Variants in TMEM63A observed in about 807,000 individuals in gnomAD.
TMEM63A encodes the protein mechanosensitive cation channel TMEM63A.
TMEM63A carries 76 observed loss-of-function variants against 100.6 expected under a neutral mutation model. The ratio of observed to expected loss-of-function variants is 0.76; its 90% CI spans 0.63 to 0.91. The LOEUF (loss-of-function observed/expected upper bound fraction) is 0.91. Among genes scored for constraint, TMEM63A ranks in the 40% least tolerant of loss-of-function variants. The pLI is 0.00. For synonymous variants in TMEM63A, 401 were observed against 401.1 expected (o/e 1.00, Z 0.00); for missense variants, 876 against 1,008.8 (o/e 0.87, Z 1.78).
rs1353620690 is a variant in TMEM63A at position 225,856,085 on chromosome 1, C to T, written c.1572-145G>A. ...AACGATGCCACTTACTACGGCATGA[C>T]CTGTCACAGTCTGCTTTAACAGAAA... On this transcript the variant is annotated intron_variant, in intron 17 of 24. Coordinates refer to ENST00000366835, the MANE Select transcript of TMEM63A (RefSeq NM_014698.3). 3.8e-6 allele frequency: 3 copies of T among 780,166 alleles called. No homozygotes were observed. In the African/African-American group the frequency reaches 5.3e-5, roughly 14 times the overall value. 48.3% of individuals were successfully genotyped at this position (780,166 alleles called of 1,614,324 possible). A position where few individuals can be genotyped will look rare whatever the true frequency, so the allele number is the denominator to read the frequency against.
At chr1:225,877,649 G>T in intron 2 of TMEM63A, 55 bp from the exon 3 acceptor site, 1 of 1,518,916 alleles carries the variant, frequency 6.6e-7, no homozygotes, top group South Asian at 1.3e-5. Context: ...ATTTCTTGCA[G>T]GTTCCCACCA....
At chr1:225,876,868 C>T (rs974940393) in intron 3 of TMEM63A, among the ~76,000 whole-genome samples, 1 of 152,070 alleles carries the variant, frequency 6.6e-6, no homozygotes, top group Non-Finnish European at 1.5e-5. Flanking sequence ...AGGCTGGTCT[C>T]GAACTCCTGA....
rs1491168481 is a variant in TMEM63A at position 225,867,616 on chromosome 1, A to AAAT, written c.514+271_514+272insATT. 6.6e-6 allele frequency among the ~76,000 whole-genome samples: 1 copy of AAAT among 152,140 alleles called. No homozygotes were observed. Among genetic ancestry groups the AAAT allele is most frequent in the Non-Finnish European group, 1.5e-5 (1 of 68,022 alleles). On this transcript the variant is annotated intron_variant, in intron 7 of 24. Coordinates refer to ENST00000366835, the MANE Select transcript of TMEM63A (RefSeq NM_014698.3). The surrounding 1 kb of genome is among the most constrained non-coding windows in gnomAD (Gnocchi z 4.6). ...AATTTGGGTGAGGGCAGGAAAGTAT[A>AAAT]AAAGACTCTCTGATAGCCCCTGATT...
At chr1:225,871,005 C>T in intron 6 of TMEM63A, 71 bp downstream of exon 6, 1 of 1,532,290 alleles carries the variant, frequency 6.5e-7, no homozygotes, top group Non-Finnish European at 9.0e-7. Context: ...TGGCTCTTGC[C>T]TCTTGACTGG....
At chr1:225,852,914 C>T in intron 19 of TMEM63A, 145 bp from the exon 20 acceptor site, 1 of 691,812 alleles carries the variant, frequency 1.4e-6, no homozygotes, top group Non-Finnish European at 2.6e-6. Flanking sequence ...AAGGTCCTTC[C>T]CATCCCTCCC....
At chr1:225,843,076 C>T (rs1668563108), downstream of TMEM63A, among the ~76,000 whole-genome samples, 2 of 152,304 alleles carry the variant, frequency 1.3e-5, no homozygotes, top group African/African-American at 4.8e-5. Flanking sequence ...TGAATCCTGC[C>T]TTGGGGGTAG....
chr1:225,847,293 A>G (rs563554603), intron 23 of TMEM63A, 80 bp from the exon 24 acceptor site: 6 of 1,527,110 alleles, frequency 3.9e-6, no homozygotes, highest in Non-Finnish European at 5.3e-6. Context: ...CCCTTCTCCC[A>G]ACAGGACACA....
At position 225,877,394 on chromosome 1, in the gene TMEM63A, C is replaced by T; in HGVS notation, c.186+1G>A. ...GGGACACGACTCATGAGGGCTCTCA[C>T]CAGGAAGCAGCTGACGTCTATGAGC... On this transcript the variant is annotated splice_donor_variant, in intron 3 of 24. Transcript: ENST00000366835. LOFTEE classifies it high-confidence loss of function. The T allele has an allele frequency of 1.2e-6, 2 of 1,610,636 alleles. No homozygotes were observed. Among genetic ancestry groups the T allele is most frequent in the Non-Finnish European group, 1.7e-6 (2 of 1,177,332 alleles).
chr1:225,878,850 T>C (rs1326433482), intron 2 of TMEM63A, among the ~76,000 whole-genome samples: 1 of 144,394 alleles, frequency 6.9e-6, no homozygotes, highest in Admixed American at 7.1e-5. Flanking sequence ...CTGGGGACAA[T>C]CACACATGGA....
chr1:225,844,445 TCA>T, downstream of TMEM63A: 1 of 1,613,404 alleles, frequency 6.2e-7, no homozygotes, highest in East Asian at 2.2e-5. Flanking sequence ...CTGCCCTTTG[TCA>T]CACAACTGCA....
At chr1:225,872,734 C>T (rs566269634) in intron 4 of TMEM63A, among the ~76,000 whole-genome samples, 1 of 144,048 alleles carries the variant, frequency 6.9e-6, no homozygotes, top group South Asian at 2.2e-4. Context: ...GGCTCTGTCA[C>T]CCAAGCTGGA....
chr1:225,849,464 C>T lies in TMEM63A; in HGVS notation c.2071+448G>A, dbSNP rs564465089. ...TGCCAGGAGGTACAAGGAGCTGGGC[C>T]CAACCACCAGCCTCAAAGGGCAAAT... On this transcript the variant is annotated intron_variant, in intron 21 of 24. Transcript: ENST00000366835. Among the ~76,000 whole-genome samples, 7 of 152,328 alleles carry T rather than the reference C, an allele frequency of 4.6e-5. No individual in the cohort carries two copies. In the East Asian group the frequency reaches 1.3e-3, roughly 29 times the overall value.
Position 225,848,541 on chromosome 1 carries a change from GC to G in TMEM63A, c.2200del (p.Ala734GlnfsTer24). ...SPLNYKTEEPASDKGSEAEAH... is the reference protein window; with the variant it reads ...SPLNYKTEEPXSDKGSEAEAH... ...CTCTGCCTCACTTCCTTTGTCACTT[GC>G]AGGCTCTTCTGTCTGCAGATAACAG... On this transcript the variant is annotated frameshift_variant, in exon 23 of 25. Coordinates refer to ENST00000366835, the MANE Select transcript of TMEM63A (RefSeq NM_014698.3). LOFTEE classifies it high-confidence loss of function. 6.2e-7 allele frequency: 1 copy of G among 1,614,102 alleles called. No homozygotes were observed. Among genetic ancestry groups the G allele is most frequent in the Non-Finnish European group, 8.5e-7 (1 of 1,180,032 alleles).
At chr1:225,874,902 T>C (rs1670701386) in intron 3 of TMEM63A, among the ~76,000 whole-genome samples, 1 of 152,168 alleles carries the variant, frequency 6.6e-6, no homozygotes, top group Non-Finnish European at 1.5e-5. Flanking sequence ...ACCCAGCTAA[T>C]TTTTGTATTT....
intron 2 of TMEM63A, among the ~76,000 whole-genome samples, chr1:225,878,777 G>A (rs1188600882): frequency 6.6e-6 from 1 of 152,068 alleles, no homozygotes; most frequent in Non-Finnish European, 1.5e-5. Flanking sequence ...AACCCAAACA[G>A]ATGTTTGGAT....
chr1:225,857,208 C>T (rs1669666123), intron 15 of TMEM63A, among the ~76,000 whole-genome samples, 191 bp from the exon 16 acceptor site: 1 of 152,204 alleles, frequency 6.6e-6, no homozygotes, highest in East Asian at 1.9e-4. Context: ...TCAGTAACAG[C>T]ACCTTATATT....
downstream of TMEM63A, chr1:225,845,377 CCCCCA>C: frequency 6.5e-7 from 1 of 1,546,102 alleles, no homozygotes; most frequent in Middle Eastern, 2.3e-4. Context: ...CTGCCACCTC[CCCCCA>C]CAAGTGCCCT....
At chr1:225,863,562 C>A (rs1001930533) in intron 10 of TMEM63A, among the ~76,000 whole-genome samples, 1 of 152,036 alleles carries the variant, frequency 6.6e-6, no homozygotes, top group Non-Finnish European at 1.5e-5. Flanking sequence ...GGTCACAGAC[C>A]TTTCAGAGGG....
intron 15 of TMEM63A, among the ~76,000 whole-genome samples, chr1:225,857,658 C>A (rs911204599): frequency 1.3e-5 from 2 of 151,402 alleles, no homozygotes; most frequent in Non-Finnish European, 2.9e-5. Flanking sequence ...GATAAAAGAT[C>A]AAGGGATATG....
Sources: gnomAD v4.1 joint callset for allele counts (sites outside exome capture counted in the v4.1 genomes callset) on GRCh38, gnomAD v4.1.1 for gene constraint, Gnocchi (gnomAD v3.1) non-coding constraint, MANE v1.5 for transcripts, NCBI Gene and HGNC (gene_info 2026-07-23, HGNC 2026-07-21) for gene names.